The following KALRN variants were observed in gnomAD, a reference collection of about 807,000 sequenced individuals.
The protein encoded by KALRN is kalirin RhoGEF kinase.
KALRN carries 70 observed loss-of-function variants against 353.7 expected under a neutral mutation model. That is an observed-to-expected ratio of 0.20 (90% CI 0.16 to 0.24). The LOEUF is 0.24. Among genes scored for constraint, KALRN ranks in the 10% least tolerant of loss-of-function variants. KALRN has a pLI of 1.00. For synonymous variants in KALRN, 1,391 were observed against 1,434.8 expected, an observed-to-expected ratio of 0.97 and a Z score of 0.69; for missense variants, 2,791 against 3,756.7, an observed-to-expected ratio of 0.74 and a Z score of 6.72.
chr3:124,714,067 C>T (rs2063016878), intron 58 of KALRN, among the ~76,000 whole-genome samples: 1 of 134,886 alleles, frequency 7.4e-6, no homozygotes, highest in Admixed American at 7.6e-5. Flanking sequence ...TTTTTAAAAT[C>T]AGCTGGAAAA....
intron 1 of KALRN, among the ~76,000 whole-genome samples, chr3:124,110,631 T>C (rs575256835): frequency 6.6e-6 from 1 of 152,176 alleles, no homozygotes; most frequent in Non-Finnish European, 1.5e-5. Flanking sequence ...CCAAGAATGA[T>C]AACATTCTTC....
intron 9 of KALRN, among the ~76,000 whole-genome samples, chr3:124,338,594 G>A (rs1261350086): frequency 2.0e-5 from 3 of 152,340 alleles, no homozygotes; most frequent in Admixed American, 6.5e-5. Flanking sequence ...ATGTGGTCCT[G>A]AGAAGAATGT....
intron 11 of KALRN, among the ~76,000 whole-genome samples, chr3:124,389,003 G>T (rs1191881955): frequency 6.6e-6 from 1 of 152,066 alleles, no homozygotes; most frequent in Non-Finnish European, 1.5e-5. Context: ...GAGTTGCTGT[G>T]GTTGCTTTTC....
intron 37 of KALRN, 55 bp downstream of exon 37, chr3:124,637,358 A>C: frequency 2.3e-6 from 3 of 1,281,642 alleles, no homozygotes; most frequent in Non-Finnish European, 3.4e-6. Flanking sequence ...ACACTGCTCC[A>C]GGCTTGCATC....
chr3:124,154,515 C>T (rs1038162633), intron 1 of KALRN, among the ~76,000 whole-genome samples: 2 of 152,166 alleles, frequency 1.3e-5, no homozygotes, highest in Non-Finnish European at 2.9e-5. Context: ...TTCACAATTG[C>T]TTCAAAGAGA....
At chr3:124,519,069 C>T in intron 33 of KALRN, 1 of 986,114 alleles carries the variant, frequency 1.0e-6, no homozygotes, top group Non-Finnish European at 1.2e-6. Context: ...TTTCTATTTG[C>T]TTCAGCCTAC....
chr3:124,626,345 G>A (rs746890650), intron 34 of KALRN, among the ~76,000 whole-genome samples: 5 of 152,112 alleles, frequency 3.3e-5, no homozygotes, highest in African/African-American at 4.8e-5. Context: ...AACATAAAAG[G>A]CTTCAACTAT....
intron 10 of KALRN, among the ~76,000 whole-genome samples, chr3:124,349,252 A>G (rs1374233009): frequency 2.6e-5 from 4 of 152,198 alleles, no homozygotes; most frequent in African/African-American, 4.8e-5. Context: ...TTATGATTCT[A>G]CTTATACCTA....
At chr3:124,037,919 A>T (rs2039578036) in intron 1 of KALRN, among the ~76,000 whole-genome samples, 5 of 152,074 alleles carry the variant, frequency 3.3e-5, no homozygotes, top group Admixed American at 2.6e-4. Flanking sequence ...GACATGAAGC[A>T]TGGGGGGGGC....
intron 33 of KALRN, among the ~76,000 whole-genome samples, chr3:124,540,012 C>T (rs1307591269): frequency 2.6e-5 from 4 of 151,968 alleles, no homozygotes; most frequent in East Asian, 1.9e-4. Context: ...CAGGTTCAAG[C>T]GATTCTCCTG....
At chr3:124,085,898 G>A (rs2060792509) in intron 1 of KALRN, among the ~76,000 whole-genome samples, 1 of 152,088 alleles carries the variant, frequency 6.6e-6, no homozygotes, top group Non-Finnish European at 1.5e-5. Flanking sequence ...TATTGATAGT[G>A]TGTATGTATA....
chr3:124,657,283 T>C (rs1254859309), intron 39 of KALRN, among the ~76,000 whole-genome samples, 165 bp from the exon 40 acceptor site: 1 of 150,758 alleles, frequency 6.6e-6, no homozygotes, highest in Non-Finnish European at 1.5e-5. Context: ...TCTATTGCTC[T>C]GCACCAGGGG....
At chr3:124,294,305 T>C (rs2076659864) in intron 5 of KALRN, among the ~76,000 whole-genome samples, 1 of 151,946 alleles carries the variant, frequency 6.6e-6, no homozygotes, top group Admixed American at 6.5e-5. Context: ...CATGGCTCAG[T>C]GGGCACTCAG....
chr3:124,190,847 G>T (rs1306660673), intron 1 of KALRN, among the ~76,000 whole-genome samples: 1 of 152,160 alleles, frequency 6.6e-6, no homozygotes, highest in African/African-American at 2.4e-5. Flanking sequence ...ATTCAATTCT[G>T]ACATTATCTA....
At chr3:124,511,408 T>C (rs72980568) in intron 33 of KALRN, among the ~76,000 whole-genome samples, 180 of 152,338 alleles carry the variant, frequency 1.2e-3, no homozygotes, top group African/African-American at 4.2e-3. Flanking sequence ...TCAGATTCCA[T>C]CCACAGCTTT....
chr3:124,674,543 C>G lies in KALRN; in HGVS notation c.7122C>G (p.Gly2374=). The change falls in exon 49 of 60, where the codon GGC becomes GGG. Residue 2374 remains glycine (G), a synonymous_variant. Coordinates refer to ENST00000682506, the MANE Select transcript of KALRN (RefSeq NM_001388419.1). ...PASDHSPAAE[G]WVPGSILAPL... is the part of the protein sequence containing the mutation. ...GCGACCATTCCCCCGCCGCCGAGGG[C>G]TGGGTCCCAGGCAGCATCCTGGCGC... 1 of 1,613,538 alleles carries G rather than the reference C, an allele frequency of 6.2e-7. No homozygotes were observed. The highest frequency in any genetic ancestry group is 8.5e-7 in the Non-Finnish European group (1 of 1,179,796).
At chr3:124,158,388 C>T (rs527928231) in intron 1 of KALRN, among the ~76,000 whole-genome samples, 2 of 152,290 alleles carry the variant, frequency 1.3e-5, no homozygotes, top group Non-Finnish European at 1.5e-5. Context: ...CTGAGCTGAG[C>T]GTTTCTTCAT....
chr3:124,370,348 A>G (rs1007625637), intron 10 of KALRN, among the ~76,000 whole-genome samples: 6 of 152,190 alleles, frequency 3.9e-5, no homozygotes, highest in African/African-American at 1.4e-4. Context: ...TTTAGCTGAG[A>G]GAAATGAGCA....
At chr3:124,624,064 A>G (rs746119457) in intron 34 of KALRN, among the ~76,000 whole-genome samples, 1 of 152,232 alleles carries the variant, frequency 6.6e-6, no homozygotes, top group Non-Finnish European at 1.5e-5. Flanking sequence ...TAAACAGTTC[A>G]TAAGTTATAA....
Sources: gnomAD v4.1 joint callset for allele counts (sites outside exome capture counted in the v4.1 genomes callset) on GRCh38, gnomAD v4.1.1 for gene constraint, MANE v1.5 for transcripts, NCBI Gene and HGNC (gene_info 2026-07-23, HGNC 2026-07-21) for gene names.